The following RUNX2 variants were observed in gnomAD, a reference collection of about 807,000 sequenced individuals.
RUNX2 encodes the protein RUNX family transcription factor 2, also known as runt-related transcription factor 2.
RUNX2 carries 10 observed loss-of-function variants against 51.7 expected under a neutral mutation model. The observed-to-expected ratio is 0.19, with a 90% CI of 0.12 to 0.33. The LOEUF is 0.33. Ranked by LOEUF, RUNX2 falls within the 10% of genes least tolerant of loss-of-function variation. The pLI, the probability that RUNX2 is intolerant of heterozygous loss-of-function variation, is 1.00. For missense variants in RUNX2, 562 were observed against 691.3 expected (o/e 0.81, Z 2.10); for synonymous variants, 276 against 273.6 (o/e 1.01, Z -0.09).
intron 2 of RUNX2, among the ~76,000 whole-genome samples, chr6:45,397,659 T>C (rs1797612891): frequency 6.6e-6 from 1 of 152,188 alleles, no homozygotes; most frequent in African/African-American, 2.4e-5. Context: ...TCAAAAATGG[T>C]ATATTAGCCA....
chr6:45,385,281 C>T (rs1306323269), intron 2 of RUNX2, among the ~76,000 whole-genome samples: 3 of 152,180 alleles, frequency 2.0e-5, no homozygotes, highest in Non-Finnish European at 4.4e-5. Flanking sequence ...TTGGTTTGAA[C>T]CTCCATTCCA....
intron 2 of RUNX2, among the ~76,000 whole-genome samples, chr6:45,371,290 A>T (rs1199988068): frequency 1.3e-5 from 2 of 152,182 alleles, no homozygotes; most frequent in African/African-American, 2.4e-5. Context: ...GTTTAAAAAC[A>T]GTTTATGTGA....
intron 5 of RUNX2, among the ~76,000 whole-genome samples, chr6:45,485,697 G>GTGTATATATATATATATATA (rs1219072282): frequency 7.5e-4 from 78 of 104,036 alleles, no homozygotes; most frequent in African/African-American, 2.2e-3. Context: ...GTGTGTGTGT[G>GTGTATATATATATATATATA]TATATATATA....
intron 3 of RUNX2, among the ~76,000 whole-genome samples, chr6:45,425,002 C>T (rs1157004569): frequency 6.6e-6 from 1 of 152,024 alleles, no homozygotes; most frequent in Non-Finnish European, 1.5e-5. Flanking sequence ...TTAAATTAGT[C>T]TTATATGAGA....
At chr6:45,365,630 C>T (rs139288737) in intron 2 of RUNX2, among the ~76,000 whole-genome samples, 32 of 147,940 alleles carry the variant, frequency 2.2e-4, no homozygotes, top group African/African-American at 7.8e-4. Flanking sequence ...CTTCAGGGAG[C>T]CCTACGGTTC....
Position 45,492,031 on chromosome 6 carries a change from T to G in RUNX2, c.776T>G (p.Val259Gly). ...LGRIPHPSMR[V>G]GVPPQNPRPS... ...CGCATTCCTCATCCCAGTATGAGAG[T>G]AGGTGTCCCGCCTCAGAACCCACGG... is the stretch of plus-strand genomic sequence containing the variant. Residue 259 changes from valine (V) to glycine (G), a missense_variant, in exon 6 of 9, where the codon GTA becomes GGA. Val to Gly is a moderately radical substitution (Grantham distance 109). This residue lies in a region of RUNX2 where 304 missense variants were observed against 353.2 expected (regional missense o/e 0.86). Coordinates refer to ENST00000647337, the MANE Select transcript of RUNX2 (RefSeq NM_001024630.4). The G allele has an allele frequency of 6.2e-7, 1 of 1,613,868 alleles. No individual in the cohort carries two copies. Among genetic ancestry groups the G allele is most frequent in the Non-Finnish European group, 8.5e-7 (1 of 1,179,926 alleles).
chr6:45,450,984 C>T (rs1482942509), intron 5 of RUNX2, among the ~76,000 whole-genome samples: 1 of 152,202 alleles, frequency 6.6e-6, no homozygotes, highest in Non-Finnish European at 1.5e-5. Flanking sequence ...ATCATTCTCA[C>T]CAGGTGCCTG....
At chr6:45,409,608 T>C (rs1797907402) in intron 2 of RUNX2, among the ~76,000 whole-genome samples, 1 of 152,226 alleles carries the variant, frequency 6.6e-6, no homozygotes, top group African/African-American at 2.4e-5. Flanking sequence ...CCAATTTATA[T>C]TCCCAACAAG....
chr6:45,380,117 A>G (rs1334635460), intron 2 of RUNX2, among the ~76,000 whole-genome samples: 2 of 152,224 alleles, frequency 1.3e-5, no homozygotes, highest in Non-Finnish European at 2.9e-5. Context: ...CCATTGCTAT[A>G]TACAAAGGGC....
At chr6:45,397,890 A>G (rs1208720944) in intron 2 of RUNX2, among the ~76,000 whole-genome samples, 2 of 152,222 alleles carry the variant, frequency 1.3e-5, no homozygotes, top group African/African-American at 4.8e-5. Flanking sequence ...ATATTGACCT[A>G]TTGAGGTCTT....
intron 2 of RUNX2, among the ~76,000 whole-genome samples, chr6:45,355,871 T>C (rs991426032): frequency 2.3e-4 from 35 of 152,168 alleles, no homozygotes; most frequent in Non-Finnish European, 4.4e-4. Context: ...AATAAATAAA[T>C]ATTAATTGAT....
At chr6:45,539,490 A>G (rs1012589080) in intron 7 of RUNX2, among the ~76,000 whole-genome samples, 6 of 152,184 alleles carry the variant, frequency 3.9e-5, no homozygotes, top group African/African-American at 9.7e-5. Flanking sequence ...TCTTCTATAT[A>G]TGGTATATTT....
At chr6:45,334,798 T>C (rs1417727294) in intron 2 of RUNX2, among the ~76,000 whole-genome samples, 1 of 151,156 alleles carries the variant, frequency 6.6e-6, no homozygotes, top group East Asian at 1.9e-4. Context: ...GGTACTATAG[T>C]TCTGTCATGA....
chr6:45,407,395 C>T (rs1797860553), intron 2 of RUNX2, among the ~76,000 whole-genome samples: 1 of 152,070 alleles, frequency 6.6e-6, no homozygotes, highest in Non-Finnish European at 1.5e-5. Context: ...TGTGAGACAC[C>T]TTCATCCATT....
chr6:45,465,653 T>G (rs1194584100), intron 5 of RUNX2, among the ~76,000 whole-genome samples: 1 of 151,808 alleles, frequency 6.6e-6, no homozygotes, highest in Non-Finnish European at 1.5e-5. Flanking sequence ...TTTTGGTTTT[T>G]TTTTTTTAGA....
intron 2 of RUNX2, among the ~76,000 whole-genome samples, chr6:45,406,295 G>A (rs1399478018): frequency 6.6e-6 from 1 of 152,196 alleles, no homozygotes; most frequent in Non-Finnish European, 1.5e-5. Flanking sequence ...TTATCATGGG[G>A]AGGCTGGAAC....
chr6:45,481,422 G>A lies in RUNX2; in HGVS notation c.686-10519G>A, dbSNP rs201435766. Among the ~76,000 whole-genome samples the A allele has an allele frequency of 4.6e-5, 7 of 152,156 alleles. No individual in the cohort carries two copies. In the East Asian group the frequency reaches 9.7e-4, roughly 21 times the overall value. Reference sequence around the variant, plus strand: ...AAGTGCTCGAAACACAAAGAACTGTGGTATGTGTGAACATGTTACAGAAAA... The same window carrying A: ...AAGTGCTCGAAACACAAAGAACTGTAGTATGTGTGAACATGTTACAGAAAA... On this transcript the variant is annotated intron_variant, in intron 5 of 8. Coordinates refer to ENST00000647337, the MANE Select transcript of RUNX2 (RefSeq NM_001024630.4).
chr6:45,449,975 C>T (rs942788038), intron 5 of RUNX2, among the ~76,000 whole-genome samples: 11 of 152,174 alleles, frequency 7.2e-5, no homozygotes, highest in African/African-American at 2.4e-4. Context: ...AAGATTACCA[C>T]TACTAACATC....
At chr6:45,519,134 G>T (rs1482087961) in intron 7 of RUNX2, among the ~76,000 whole-genome samples, 1 of 152,152 alleles carries the variant, frequency 6.6e-6, no homozygotes, top group African/African-American at 2.4e-5. Flanking sequence ...TGCCTTACCA[G>T]ATAAATGCTA....
Sources: gnomAD v4.1 joint callset for allele counts (sites outside exome capture counted in the v4.1 genomes callset) on GRCh38, gnomAD v4.1.1 for gene constraint, gnomAD v4.1.1 regional missense constraint, MANE v1.5 for transcripts, NCBI Gene and HGNC (gene_info 2026-07-23, HGNC 2026-07-21) for gene names.